The following RELN variants were observed in gnomAD, a reference collection of about 807,000 sequenced individuals.
RELN encodes reelin.
Under a neutral mutation model 427.6 loss-of-function variants are expected in RELN, and 108 were observed. The ratio of observed to expected loss-of-function variants is 0.25; its 90% CI spans 0.22 to 0.30. The LOEUF (loss-of-function observed/expected upper bound fraction) is 0.30. Among genes scored for constraint, RELN ranks in the 10% least tolerant of loss-of-function variants. The pLI, the probability that RELN is intolerant of heterozygous loss-of-function variation, is 1.00. For missense variants in RELN, 3,715 were observed against 4,302.8 expected (o/e 0.86, Z 3.82); for synonymous variants, 1,524 against 1,513.4 (o/e 1.01, Z -0.16).
rs577226681 is a variant in RELN at position 103,699,380 on chromosome 7, CA to C, written c.903-1288del. Among the ~76,000 whole-genome samples, 427 of 152,162 alleles carry C rather than the reference CA, an allele frequency of 2.8e-3. 2 individuals are homozygous for C. Among genetic ancestry groups the C allele is most frequent in the African/African-American group, 9.6e-3 (399 of 41,520 alleles). ...TTCATGATGACTATGCTTTTAGCTT[CA>C]AAAAGAATTGAAATTGATGAAGAGA... On this transcript the variant is annotated intron_variant, in intron 9 of 64. Transcript: ENST00000428762.
chr7:103,730,916 C>A (rs924897810), intron 6 of RELN, among the ~76,000 whole-genome samples: 4 of 152,120 alleles, frequency 2.6e-5, no homozygotes, highest in Non-Finnish European at 4.4e-5. Context: ...TTAATCCATT[C>A]TTGTATTTAA....
chr7:103,917,732 A>G (rs546841018), intron 1 of RELN, among the ~76,000 whole-genome samples: 22 of 152,262 alleles, frequency 1.4e-4, no homozygotes, highest in Admixed American at 6.5e-4. Flanking sequence ...CCTCTCGTGA[A>G]GAAGAAAGGA....
chr7:103,735,049 T>G (rs1280133253), intron 6 of RELN, among the ~76,000 whole-genome samples: 1 of 152,162 alleles, frequency 6.6e-6, no homozygotes, highest in Non-Finnish European at 1.5e-5. Context: ...CTATTTTATA[T>G]GTACACCATC....
chr7:103,534,141 G>A (rs1452703077), intron 46 of RELN, among the ~76,000 whole-genome samples: 1 of 152,148 alleles, frequency 6.6e-6, no homozygotes, highest in African/African-American at 2.4e-5. Flanking sequence ...GAATTTTATG[G>A]TCATTTGCTA....
At chr7:103,922,516 T>C (rs1354648880) in intron 1 of RELN, among the ~76,000 whole-genome samples, 1 of 152,176 alleles carries the variant, frequency 6.6e-6, no homozygotes, top group Non-Finnish European at 1.5e-5. Flanking sequence ...TGTGTTAAAT[T>C]GGCAATGAGC....
chr7:103,961,941 A>G (rs1429270611), intron 1 of RELN, among the ~76,000 whole-genome samples: 1 of 152,224 alleles, frequency 6.6e-6, no homozygotes, highest in East Asian at 1.9e-4. Context: ...TCTCATCACC[A>G]ACACAAAATA....
chr7:103,914,967 C>T (rs780343507), intron 2 of RELN, among the ~76,000 whole-genome samples: 15 of 152,174 alleles, frequency 9.9e-5, no homozygotes, highest in Non-Finnish European at 1.9e-4. Context: ...AATCACTCCT[C>T]AGCCTAAAAC....
chr7:103,970,764 T>G lies in RELN; in HGVS notation c.226+18367A>C, dbSNP rs148781252. On this transcript the variant is annotated intron_variant, in intron 1 of 64. Coordinates refer to ENST00000428762, the MANE Select transcript of RELN (RefSeq NM_005045.4). ...AATGTGACAGGAACCTAACTCTACA[T>G]TTCCTCCAGGAACAGTGGTTCTGTA... is the stretch of plus-strand genomic sequence containing the variant. Among the ~76,000 whole-genome samples, 5 of 152,350 alleles carry G rather than the reference T, an allele frequency of 3.3e-5. No homozygotes were observed. The East Asian group carries it at 9.7e-4, about 29-fold the overall frequency.
intron 3 of RELN, among the ~76,000 whole-genome samples, chr7:103,818,549 C>T (rs536544310): frequency 6.6e-5 from 10 of 152,178 alleles, no homozygotes; most frequent in African/African-American, 1.9e-4. Context: ...TTTATGCATA[C>T]GTCTTAGCTT....
rs780891394 is a variant in RELN, at chr7:103,610,796, T to C, written c.2907A>G (p.Pro969=). 5.3e-5 allele frequency: 85 copies of C among 1,600,000 alleles called. 2 individuals carry two copies. In the South Asian group the frequency reaches 8.6e-4, roughly 16 times the overall value. The change falls in exon 22 of 65, where the codon CCA becomes CCG. Residue 969 remains proline (P), a synonymous_variant. Coordinates refer to ENST00000428762, the MANE Select transcript of RELN (RefSeq NM_005045.4). The part of the protein sequence containing the change: ...TWHLVQEECL[P]SMPSCQEFTS... ...TAAATTCCTGACAACTTGGCATACT[T>C]GGAAGGCATTCCTGAAAGAAAGTTA... is the stretch of plus-strand genomic sequence containing the variant.
chr7:103,892,697 T>G, intron 2 of RELN, among the ~76,000 whole-genome samples: 1 of 152,180 alleles, frequency 6.6e-6, no homozygotes, highest in East Asian at 1.9e-4. Flanking sequence ...CAATTATGAA[T>G]AGGGAGCATA....
chr7:103,947,040 C>G (rs1384656463), intron 1 of RELN, among the ~76,000 whole-genome samples: 1 of 152,104 alleles, frequency 6.6e-6, no homozygotes, highest in East Asian at 1.9e-4. Flanking sequence ...GATAATATCC[C>G]CCCAAATGAA....
At chr7:103,807,693 T>A (rs1170306679) in intron 3 of RELN, among the ~76,000 whole-genome samples, 1 of 152,104 alleles carries the variant, frequency 6.6e-6, no homozygotes, top group African/African-American at 2.4e-5. Flanking sequence ...AGCTCCCACT[T>A]GTAAGTGACA....
intron 6 of RELN, among the ~76,000 whole-genome samples, chr7:103,737,296 C>A (rs1790519076): frequency 6.6e-6 from 1 of 152,192 alleles, no homozygotes; most frequent in Non-Finnish European, 1.5e-5. Flanking sequence ...CGGCTCACTG[C>A]CCATGGGCGT....
chr7:103,915,014 C>CA (rs1323540107), intron 2 of RELN, among the ~76,000 whole-genome samples: 1 of 152,094 alleles, frequency 6.6e-6, no homozygotes, highest in Non-Finnish European at 1.5e-5. Context: ...ATAAAGGCCC[C>CA]AAACTTACAA....
chr7:103,651,769 G>T lies in RELN; in HGVS notation c.1784C>A (p.Thr595Asn). The change falls in exon 15 of 65, where the codon ACC (threonine) becomes AAC (asparagine). Residue 595 changes from threonine to asparagine, a missense_variant. Transcript: ENST00000428762. ...GAGGGACCAGGAGCGCCCATGGTTG[G>T]TAGAAAATTCCAAGCTGACACTAAT... ...PGNSVSLEFS[T>N]NHGRSWSLLH... 1 of 1,611,630 alleles carries T rather than the reference G, an allele frequency of 6.2e-7. No homozygotes were observed. The highest frequency in any genetic ancestry group is 2.2e-5 in the East Asian group (1 of 44,712).
chr7:103,966,103 T>A (rs1418761542), intron 1 of RELN, among the ~76,000 whole-genome samples: 2 of 152,196 alleles, frequency 1.3e-5, no homozygotes, highest in African/African-American at 4.8e-5. Context: ...ATATTTCTGG[T>A]CACAAAAAGT....
chr7:103,765,117 C>T (rs1408447245), intron 4 of RELN, among the ~76,000 whole-genome samples: 3 of 152,050 alleles, frequency 2.0e-5, no homozygotes, highest in Admixed American at 6.5e-5. Context: ...GAAACATGGC[C>T]GGGGGTACCC....
chr7:103,564,801 C>T (rs1024650678), intron 34 of RELN, among the ~76,000 whole-genome samples: 1 of 152,098 alleles, frequency 6.6e-6, no homozygotes, highest in Non-Finnish European at 1.5e-5. Context: ...TGGAAGCCTG[C>T]TGTAAGTCAG....
Sources: gnomAD v4.1 joint callset for allele counts (sites outside exome capture counted in the v4.1 genomes callset) on GRCh38, gnomAD v4.1.1 for gene constraint, MANE v1.5 for transcripts, NCBI Gene and HGNC (gene_info 2026-07-23, HGNC 2026-07-21) for gene names.